PAGE1: variants seen among roughly 807,000 people sequenced by gnomAD.
PAGE1 encodes the protein P antigen family member 1.
In PAGE1, 6 loss-of-function variants were observed where a neutral mutation model predicts 11.5. The observed-to-expected ratio is 0.52, with a 90% confidence interval of 0.29 to 1.03. PAGE1 has a LOEUF of 1.03. Ranked by LOEUF, PAGE1 falls within the 50% of genes least tolerant of loss-of-function variation. The probability of loss-of-function intolerance (pLI) is 0.09; values close to 1 mark genes in which losing one functional copy is unlikely to be tolerated. For missense variants in PAGE1, 120 were observed against 110.2 expected (o/e 1.09, Z -0.40); for synonymous variants, 42 against 40.2 (o/e 1.05, Z -0.17).
chrX:49,692,602 T>C (rs1394974685), intron 3 of PAGE1, among the ~76,000 whole-genome samples: 2 of 93,989 alleles, frequency 2.1e-5, no homozygotes, highest in Non-Finnish European at 4.2e-5. Flanking sequence ...ATATGACAAC[T>C]ACACTGAACT....
intron 3 of PAGE1, 127 bp from the exon 4 acceptor site, chrX:49,691,501 A>C: frequency 1.9e-6 from 1 of 514,628 alleles, no homozygotes; most frequent in Admixed American, 4.7e-5. Flanking sequence ...TGTGTTGATA[A>C]GAATCCCAAG....
intron 4 of PAGE1, among the ~76,000 whole-genome samples, chrX:49,690,003 GTA>G (rs782718386): frequency 6.7e-5 from 4 of 59,816 alleles, no homozygotes; most frequent in Non-Finnish European, 8.9e-5. Context: ...ATATATATGT[GTA>G]TATATATGTG....
intron 4 of PAGE1, among the ~76,000 whole-genome samples, chrX:49,689,814 ACACACATATATG>A (rs1557141803): frequency 1.6e-5 from 1 of 61,973 alleles, no homozygotes; most frequent in African/African-American, 7.8e-5. Flanking sequence ...ATGTGTATAT[ACACACATATATG>A]TGTATATATG....
chrX:49,691,377 T>G lies in PAGE1; in HGVS notation c.167-3A>C, dbSNP rs1323437764. 5 of 1,186,658 alleles carry G rather than the reference T, an allele frequency of 4.2e-6. No individual in the cohort carries two copies. Among genetic ancestry groups the G allele is most frequent in the Non-Finnish European group, 5.7e-6 (5 of 883,801 alleles). On this transcript the variant is annotated splice_region_variant and splice_polypyrimidine_tract_variant and intron_variant, in intron 3 of 5. Transcript: ENST00000376150. ...GCTATCAGCTTCAGGCTCCTGCCCT[T>G]AAAGATAAAACAAAATTATCATTTT... is the stretch of plus-strand genomic sequence containing the variant.
At chrX:49,690,667 T>G (rs1490348934) in intron 4 of PAGE1, among the ~76,000 whole-genome samples, 1 of 111,268 alleles carries the variant, frequency 9.0e-6, no homozygotes, top group African/African-American at 3.3e-5. Context: ...TAGAAACACA[T>G]GACAAGCACA....
intron 4 of PAGE1, among the ~76,000 whole-genome samples, chrX:49,690,882 A>G (rs1459354187): frequency 1.8e-5 from 2 of 110,912 alleles, no homozygotes; most frequent in Non-Finnish European, 3.8e-5. Context: ...AAAAAAAAAA[A>G]AAAGAAACAT....
Position 49,689,673 on chromosome X carries a change from C to CATAT in PAGE1, c.293-134_293-131dup, listed in dbSNP as rs200399500. Reference sequence around the variant, plus strand: ...GTGTGTATATATATATATACATATACATATATGTGTGTATATATATACACA... The same window carrying CATAT: ...GTGTGTATATATATATATACATATACATATATATATGTGTGTATATATATACACA... On this transcript the variant is annotated intron_variant, in intron 4 of 5. Coordinates refer to ENST00000376150, the MANE Select transcript of PAGE1 (RefSeq NM_003785.4). 393 of 63,745 alleles carry CATAT rather than the reference C, an allele frequency of 6.2e-3. 14 individuals carry two copies. The highest frequency in any genetic ancestry group is 0.04 in the African/African-American group (375 of 9,335). 5.3% of individuals were successfully genotyped at this position (63,745 alleles called of 1,213,427 possible). A position where few individuals can be genotyped will look rare whatever the true frequency, so the allele number is the denominator to read the frequency against.
chrX:49,690,085 A>G (rs2066913133), intron 4 of PAGE1, among the ~76,000 whole-genome samples: 1 of 55,547 alleles, frequency 1.8e-5, no homozygotes, highest in African/African-American at 7.0e-5. Flanking sequence ...ATATGTGTAT[A>G]TATGTGTATA....
chrX:49,693,278 C>A (rs1412601687), intron 3 of PAGE1, among the ~76,000 whole-genome samples: 1 of 111,869 alleles, frequency 8.9e-6, no homozygotes, highest in African/African-American at 3.2e-5. Flanking sequence ...TGAATTACAG[C>A]AAATATACTG....
intron 1 of PAGE1, among the ~76,000 whole-genome samples, chrX:49,695,226 AGTGAATCACAATTCCC>A (rs1389385970): frequency 2.7e-5 from 3 of 112,385 alleles, no homozygotes; most frequent in Non-Finnish European, 5.6e-5. Context: ...TGAAAACACT[AGTGAATCACAATTCCC>A]GTGACTGCTG....
At position 49,689,541 on chromosome X, in the gene PAGE1, G is replaced by A. The variant is rs2066896405; in HGVS notation, c.295C>T (p.Pro99Ser). ...TCCTGGCTATCCGCTTCAGGCTCTGGCCCTTAAAAAAAAAAAAAAAAAAAA... is the reference window on the plus strand; with the variant it reads ...TCCTGGCTATCCGCTTCAGGCTCTGACCCTTAAAAAAAAAAAAAAAAAAAA... ...EEQMKLPAEG[P>S]EPEADSQEQV... Residue 99 changes from proline to serine, a missense_variant and splice_region_variant, in exon 5 of 6, where the codon CCA becomes TCA. Transcript: ENST00000376150. 3.2e-6 allele frequency: 2 copies of A among 619,172 alleles called. No homozygotes were observed. Among genetic ancestry groups the A allele is most frequent in the African/African-American group, 4.9e-5 (1 of 20,286 alleles). The allele number at this position is 619,172 out of a possible 1,213,427, so 51.0% of individuals were successfully genotyped here.
chrX:49,694,637 C>A, intron 2 of PAGE1, 71 bp downstream of exon 2: 1 of 719,145 alleles, frequency 1.4e-6, no homozygotes, highest in East Asian at 3.3e-5. Context: ...AACACTATCA[C>A]AAAAATTAAT....
chrX:49,689,824 ATG>A (rs1557141815), intron 4 of PAGE1, among the ~76,000 whole-genome samples: 2 of 59,088 alleles, frequency 3.4e-5, no homozygotes, highest in African/African-American at 9.1e-5. Context: ...ACACACATAT[ATG>A]TGTATATATG....
At chrX:49,688,894 C>T (rs1557141337) in intron 5 of PAGE1, among the ~76,000 whole-genome samples, 1 of 112,181 alleles carries the variant, frequency 8.9e-6, no homozygotes, top group Admixed American at 9.5e-5. Context: ...GATTTATACT[C>T]AAAAGTTATA....
At chrX:49,692,718 T>C (rs1338200276) in intron 3 of PAGE1, among the ~76,000 whole-genome samples, 1 of 111,091 alleles carries the variant, frequency 9.0e-6, no homozygotes, top group African/African-American at 3.3e-5. Flanking sequence ...GGAGTTATGG[T>C]TGCAACATTA....
intron 5 of PAGE1, among the ~76,000 whole-genome samples, chrX:49,688,019 G>C (rs1392982045): frequency 8.9e-6 from 1 of 112,766 alleles, no homozygotes; most frequent in African/African-American, 3.2e-5. Context: ...TGACAGTGGG[G>C]CAGGGAGTGT....
At chrX:49,689,601 T>TACACATACATATAC (rs2066900070) in intron 4 of PAGE1, 58 bp from the exon 5 acceptor site, 2 of 73,218 alleles carry the variant, frequency 2.7e-5, no homozygotes, top group African/African-American at 1.8e-4. Context: ...TATATATATA[T>TACACATACATATAC]ATATATATAT....
At chrX:49,693,113 T>A (rs1470210476) in intron 3 of PAGE1, among the ~76,000 whole-genome samples, 1 of 111,804 alleles carries the variant, frequency 8.9e-6, no homozygotes, top group Non-Finnish European at 1.9e-5. Context: ...TTGAGGACTA[T>A]GGAAAATCTT....
At position 49,692,783 on chromosome X, in the gene PAGE1, A is replaced by ATTATTTATTTATTTAT. The variant is rs781833593; in HGVS notation, c.166+1300_166+1315dup. On this transcript the variant is annotated intron_variant, in intron 3 of 5. Coordinates refer to ENST00000376150, the MANE Select transcript of PAGE1 (RefSeq NM_003785.4). ...TGTTTTCCTATATAACGAAACATTT[A>ATTATTTATTTATTTAT]TTATTTATTTATTTATTTATTTGCG... 5.5e-3 allele frequency among the ~76,000 whole-genome samples: 603 copies of ATTATTTATTTATTTAT among 109,621 alleles called. 8 individuals carry two copies. Among genetic ancestry groups the ATTATTTATTTATTTAT allele is most frequent in the East Asian group, 0.055 (192 of 3,502 alleles).
Sources: allele counts gnomAD v4.1 joint callset (sites outside exome capture counted in the v4.1 genomes callset), GRCh38; gene constraint gnomAD v4.1.1; transcripts MANE v1.5; gene names NCBI Gene and HGNC (gene_info 2026-07-23, HGNC 2026-07-21).